Variants in GSK3B observed in about 807,000 individuals in gnomAD.
The protein encoded by GSK3B is glycogen synthase kinase-3 beta.
In GSK3B, 15 loss-of-function variants were observed where a neutral mutation model predicts 56.4. The observed-to-expected ratio is 0.27, with a 90% confidence interval of 0.18 to 0.41. GSK3B has a LOEUF of 0.41. GSK3B is among the 10% of genes least tolerant of loss of function. The probability of loss-of-function intolerance (pLI) is 1.00; values close to 1 mark genes in which losing one functional copy is unlikely to be tolerated. For missense variants in GSK3B, 300 were observed against 513.4 expected (o/e 0.58, Z 4.02); for synonymous variants, 181 against 188.9 (o/e 0.96, Z 0.34).
intron 1 of GSK3B, among the ~76,000 whole-genome samples, chr3:120,059,427 A>C (rs1432788560): frequency 6.6e-6 from 1 of 152,218 alleles, no homozygotes; most frequent in Non-Finnish European, 1.5e-5. Flanking sequence ...TCTAATAATG[A>C]ATCTCATTAT....
At chr3:119,877,677 G>A (rs796227199) in intron 7 of GSK3B, among the ~76,000 whole-genome samples, 1 of 152,078 alleles carries the variant, frequency 6.6e-6, no homozygotes, top group Non-Finnish European at 1.5e-5. Flanking sequence ...AGGATACAAA[G>A]AACAAGAGAT....
chr3:119,841,578 T>C (rs1422697309), intron 10 of GSK3B, among the ~76,000 whole-genome samples: 1 of 152,184 alleles, frequency 6.6e-6, no homozygotes, highest in Non-Finnish European at 1.5e-5. Context: ...CTTTTTACCT[T>C]AAAAATTTTA....
chr3:120,014,688 A>C (rs1368784558), intron 1 of GSK3B, among the ~76,000 whole-genome samples: 2 of 152,198 alleles, frequency 1.3e-5, no homozygotes, highest in South Asian at 4.1e-4. Flanking sequence ...TCATCTTCAC[A>C]TGATTCTAAC....
intron 7 of GSK3B, among the ~76,000 whole-genome samples, chr3:119,877,727 A>C (rs2056330431): frequency 6.6e-6 from 1 of 152,214 alleles, no homozygotes; most frequent in Non-Finnish European, 1.5e-5. Context: ...ATGTCAAAAA[A>C]GTATAATTAC....
intron 1 of GSK3B, among the ~76,000 whole-genome samples, chr3:120,085,247 G>A (rs559532430): frequency 4.7e-4 from 71 of 152,060 alleles, no homozygotes; most frequent in Non-Finnish European, 9.6e-4. Flanking sequence ...TATACAGTAC[G>A]TTGCTCTTCT....
chr3:120,011,994 G>T (rs991911902), intron 1 of GSK3B, among the ~76,000 whole-genome samples: 7 of 152,078 alleles, frequency 4.6e-5, no homozygotes, highest in Non-Finnish European at 7.4e-5. Flanking sequence ...AAAAAAAGAA[G>T]ATAATGTTTC....
intron 4 of GSK3B, among the ~76,000 whole-genome samples, chr3:119,922,228 G>GAGAAGGAAGGAAGGAAGGAAGGAA (rs1553733662): frequency 3.3e-5 from 2 of 61,490 alleles, no homozygotes; most frequent in African/African-American, 1.8e-4. Context: ...GAAGGAAGGA[G>GAGAAGGAAGGAAGGAAGGAAGGAA]GGAAGGAAGG....
intron 7 of GSK3B, among the ~76,000 whole-genome samples, chr3:119,900,158 ATAATT>A (rs1263425630): frequency 6.6e-6 from 1 of 152,114 alleles, no homozygotes; most frequent in African/African-American, 2.4e-5. Context: ...ATTATTGCAA[ATAATT>A]TAAGTATCAA....
At chr3:119,886,351 A>AT (rs1486374859) in intron 7 of GSK3B, among the ~76,000 whole-genome samples, 1 of 152,156 alleles carries the variant, frequency 6.6e-6, no homozygotes, top group African/African-American at 2.4e-5. Context: ...ATATCATCTC[A>AT]CATCAGTCAC....
rs114084703 is a variant in GSK3B, at chr3:119,942,070, G to T, written c.366+5198C>A. Among the ~76,000 whole-genome samples, 452 of 152,226 alleles carry T rather than the reference G, an allele frequency of 3.0e-3. 2 individuals carry two copies. Among genetic ancestry groups the T allele is most frequent in the African/African-American group, 0.01 (436 of 41,528 alleles). Reference sequence around the variant, plus strand: ...ATACAGGCCCCCATTACTATCAATAGAACAAAGGTGGCATGAGAAATAAAA... The same window carrying T: ...ATACAGGCCCCCATTACTATCAATATAACAAAGGTGGCATGAGAAATAAAA... On this transcript the variant is annotated intron_variant, in intron 3 of 10. Transcript: ENST00000264235.
intron 1 of GSK3B, among the ~76,000 whole-genome samples, chr3:120,076,328 A>G (rs1361255174): frequency 6.6e-6 from 1 of 152,228 alleles, no homozygotes; most frequent in Non-Finnish European, 1.5e-5. Flanking sequence ...ACCAAAACAC[A>G]GGAAACAAAT....
chr3:120,085,901 A>C (rs1376020766), intron 1 of GSK3B, among the ~76,000 whole-genome samples: 1 of 152,140 alleles, frequency 6.6e-6, no homozygotes, highest in African/African-American at 2.4e-5. Context: ...AAAAAACCTA[A>C]ATCACCCAAC....
rs577539796 is a variant in GSK3B, at chr3:119,855,564, G to A, written c.1096+7855C>T. On this transcript the variant is annotated intron_variant, in intron 9 of 10. Transcript: ENST00000264235. ...TTGCGGCACTATTCACAATAGCGAA[G>A]ACTTGGAACCAACCCAAATGTCCAT... is the stretch of plus-strand genomic sequence containing the variant. Among the ~76,000 whole-genome samples, 33 of 152,272 alleles carry A rather than the reference G, an allele frequency of 2.2e-4. No individual in the cohort carries two copies. The East Asian group carries it at 5.4e-3, about 25-fold the overall frequency.
intron 1 of GSK3B, among the ~76,000 whole-genome samples, chr3:120,036,705 A>C (rs1053451459): frequency 7.0e-6 from 1 of 143,394 alleles, no homozygotes. Context: ...AGGCAAGAGA[A>C]TTGCTTGAAC....
chr3:119,971,023 A>T (rs961049415), intron 2 of GSK3B, among the ~76,000 whole-genome samples: 2 of 152,190 alleles, frequency 1.3e-5, no homozygotes, highest in Non-Finnish European at 2.9e-5. Flanking sequence ...CCACTGTATG[A>T]TTATATTCTT....
At chr3:119,875,007 A>C (rs912540071) in intron 8 of GSK3B, among the ~76,000 whole-genome samples, 2 of 152,186 alleles carry the variant, frequency 1.3e-5, no homozygotes, top group South Asian at 2.1e-4. Flanking sequence ...ATATCTTCTG[A>C]CCCAGATTTA....
intron 1 of GSK3B, among the ~76,000 whole-genome samples, chr3:120,019,476 G>T (rs1045698878): frequency 2.0e-5 from 3 of 152,156 alleles, no homozygotes; most frequent in Non-Finnish European, 4.4e-5. Flanking sequence ...TTATTTGTGT[G>T]TCAATGAAAT....
At position 120,038,376 on chromosome 3, in the gene GSK3B, G is replaced by C. The variant is rs1172973752; in HGVS notation, c.89-36137C>G. ...ACCCAAGCGTTCAAGACCAACCTGG[G>C]CAACATGGTGAAACCCTGGTCCACA... On this transcript the variant is annotated intron_variant, in intron 1 of 10. Coordinates refer to ENST00000264235, the MANE Select transcript of GSK3B (RefSeq NM_001146156.2). 3.3e-5 allele frequency among the ~76,000 whole-genome samples: 5 copies of C among 152,124 alleles called. No homozygotes were observed. In the East Asian group the frequency reaches 7.7e-4, roughly 23 times the overall value.
At chr3:120,079,336 ACACACACACACACAT>A (rs371020450) in intron 1 of GSK3B, among the ~76,000 whole-genome samples, 5 of 144,068 alleles carry the variant, frequency 3.5e-5, no homozygotes, top group South Asian at 2.3e-4. Context: ...ACACACACAC[ACACACACACACACAT>A]TTTTTTTTTT....
Sources: allele counts gnomAD v4.1 joint callset (sites outside exome capture counted in the v4.1 genomes callset), GRCh38; gene constraint gnomAD v4.1.1; transcripts MANE v1.5; gene names NCBI Gene and HGNC (gene_info 2026-07-23, HGNC 2026-07-21).